ABHD12: variants seen among roughly 807,000 people sequenced by gnomAD.
ABHD12 encodes the protein abhydrolase domain containing 12, lysophospholipase, also known as lysophosphatidylserine lipase ABHD12.
Under a neutral mutation model 58.3 loss-of-function variants are expected in ABHD12, and 43 were observed. The observed-to-expected ratio is 0.74, with a 90% CI of 0.58 to 0.95. The LOEUF (loss-of-function observed/expected upper bound fraction) is 0.95, where lower values mean the gene tolerates loss of function less well. ABHD12 is among the 40% of genes least tolerant of loss of function. ABHD12 has a pLI of 0.00. For synonymous variants in ABHD12, 219 were observed against 211.2 expected (o/e 1.04, Z -0.32); for missense variants, 539 against 537.2 (o/e 1.00, Z -0.03).
intron 1 of ABHD12, among the ~76,000 whole-genome samples, chr20:25,372,989 T>C (rs538769446): frequency 1.3e-5 from 2 of 152,274 alleles, no homozygotes; most frequent in Non-Finnish European, 2.9e-5. Flanking sequence ...TATGTGTAGA[T>C]ACACAAATAC....
At chr20:25,301,016 C>T (rs547437645) in intron 12 of ABHD12, 132 bp from the exon 13 acceptor site, 17 of 924,088 alleles carry the variant, frequency 1.8e-5, no homozygotes, top group Admixed American at 9.9e-5. Context: ...CATGAGGATG[C>T]GCTGTAGCCC....
At chr20:25,359,534 A>G (rs34005053) in intron 1 of ABHD12, among the ~76,000 whole-genome samples, 4,673 of 152,062 alleles carry the variant, frequency 0.031, 177 homozygotes, top group East Asian at 0.23. Flanking sequence ...AAAATATCTC[A>G]TATTATCTTC....
At chr20:25,298,780 C>A (rs1363064236), downstream of ABHD12, among the ~76,000 whole-genome samples, 2 of 152,204 alleles carry the variant, frequency 1.3e-5, no homozygotes, top group East Asian at 3.9e-4. Context: ...GGGCTCTGTG[C>A]TACCCTGAAG....
intron 1 of ABHD12, among the ~76,000 whole-genome samples, chr20:25,359,619 G>A (rs987320699): frequency 6.6e-6 from 1 of 151,926 alleles, no homozygotes; most frequent in African/African-American, 2.4e-5. Context: ...GCCCAGACTG[G>A]AGTGCAGTGG....
At chr20:25,375,753 GGCT>G (rs1188654305) in intron 1 of ABHD12, among the ~76,000 whole-genome samples, 7 of 151,744 alleles carry the variant, frequency 4.6e-5, no homozygotes, top group Admixed American at 2.6e-4. Context: ...TTTTTGTTGT[GGCT>G]GCTATTTGGG....
At chr20:25,315,591 G>A (rs557781983) in intron 5 of ABHD12, among the ~76,000 whole-genome samples, 1 of 151,982 alleles carries the variant, frequency 6.6e-6, no homozygotes, top group East Asian at 1.9e-4. Flanking sequence ...TCTTTGGGGG[G>A]GTTGTTGGGT....
At chr20:25,343,734 G>A (rs2089484386) in intron 1 of ABHD12, among the ~76,000 whole-genome samples, 1 of 152,192 alleles carries the variant, frequency 6.6e-6, no homozygotes, top group African/African-American at 2.4e-5. Flanking sequence ...GGCGGAGGTT[G>A]CAGTGAGCTG....
At position 25,338,757 on chromosome 20, in the gene ABHD12, A is replaced by T. The variant is rs1334234836; in HGVS notation, c.316+470T>A. The T allele has an allele frequency of 7.2e-6, 7 of 972,740 alleles. No homozygotes were observed. The East Asian group carries it at 3.4e-4, about 47-fold the overall frequency. 60.3% of individuals were successfully genotyped at this position (972,740 alleles called of 1,614,324 possible). ...AAGAAAAAAGGCCTCATTTTTTTTTAAAGGTACTATATTTTTCAGTGGTCA... is the reference window on the plus strand; with the variant it reads ...AAGAAAAAAGGCCTCATTTTTTTTTTAAGGTACTATATTTTTCAGTGGTCA... On this transcript the variant is annotated intron_variant, in intron 2 of 12. Coordinates refer to ENST00000339157, the MANE Select transcript of ABHD12 (RefSeq NM_001042472.3).
At chr20:25,386,556 G>A (rs2090093859) in intron 1 of ABHD12, among the ~76,000 whole-genome samples, 1 of 151,766 alleles carries the variant, frequency 6.6e-6, no homozygotes. Context: ...CACCGAGCCC[G>A]GCCTCATGAT....
intron 1 of ABHD12, among the ~76,000 whole-genome samples, chr20:25,341,569 G>A (rs1158423975): frequency 2.0e-5 from 3 of 152,064 alleles, no homozygotes; most frequent in African/African-American, 7.2e-5. Flanking sequence ...TGCTTGGTGG[G>A]GATGATAATG....
chr20:25,323,334 A>G lies in ABHD12; in HGVS notation c.413T>C (p.Ile138Thr), dbSNP rs971910677. The G allele has an allele frequency of 2.0e-5, 32 of 1,612,990 alleles. No homozygotes were observed. Among genetic ancestry groups the G allele is most frequent in the East Asian group, 2.2e-5 (1 of 44,878 alleles). ...YYLQPEEDVT[I>T]GVWHTVPAVW... ...GCTCACTGGCACTCACCAGACTCCA[A>G]TGGTCACGTCTTCCTCTGGCTGCAG... The change falls in exon 3 of 13, where the codon ATT (isoleucine) becomes ACT (threonine). Residue 138 changes from isoleucine (I) to threonine (T), a missense_variant. Coordinates refer to ENST00000339157, the MANE Select transcript of ABHD12 (RefSeq NM_001042472.3).
intron 5 of ABHD12, among the ~76,000 whole-genome samples, 174 bp from the exon 6 acceptor site, chr20:25,315,144 T>A (rs999945925): frequency 1.3e-5 from 2 of 152,194 alleles, no homozygotes; most frequent in Non-Finnish European, 2.9e-5. Flanking sequence ...GAAACCAAGA[T>A]GCCAACTGCC....
chr20:25,338,123 T>C (rs1444444573), intron 2 of ABHD12, among the ~76,000 whole-genome samples: 1 of 152,102 alleles, frequency 6.6e-6, no homozygotes, highest in Non-Finnish European at 1.5e-5. Flanking sequence ...TTAAGTCTAT[T>C]ATAGACTGAA....
At chr20:25,339,017 T>C in intron 2 of ABHD12, 2 of 1,342,298 alleles carry the variant, frequency 1.5e-6, no homozygotes, top group South Asian at 1.5e-5. Context: ...TTTTGGGTAA[T>C]AAAAGCATTC....
chr20:25,346,844 CTA>C (rs2089525877), intron 1 of ABHD12, among the ~76,000 whole-genome samples: 1 of 152,140 alleles, frequency 6.6e-6, no homozygotes, highest in Non-Finnish European at 1.5e-5. Flanking sequence ...ACAAGTTTCA[CTA>C]TGTTAGCCAG....
intron 3 of ABHD12, among the ~76,000 whole-genome samples, chr20:25,322,631 C>G (rs1600796938): frequency 6.6e-6 from 1 of 151,380 alleles, no homozygotes; most frequent in African/African-American, 2.4e-5. Context: ...GTGATCCACC[C>G]GTCTCGGCCT....
intron 1 of ABHD12, among the ~76,000 whole-genome samples, chr20:25,344,799 C>A (rs1304541092): frequency 6.6e-6 from 1 of 152,118 alleles, no homozygotes; most frequent in Non-Finnish European, 1.5e-5. Context: ...GGTGTACTGT[C>A]AAAAATACCA....
chr20:25,340,318 AT>A lies in ABHD12; in HGVS notation c.192-968del, dbSNP rs200464409. On this transcript the variant is annotated intron_variant, in intron 1 of 12. Coordinates refer to ENST00000339157, the MANE Select transcript of ABHD12 (RefSeq NM_001042472.3). The stretch of plus-strand genomic sequence containing the variant: ...AAAAATTTTAGTGAGAAGAAAAAAA[AT>A]TTTAGTGAGGAGTGACATTAACATT... 5.2e-3 allele frequency among the ~76,000 whole-genome samples: 788 copies of A among 152,366 alleles called. 2 individuals are homozygous for A. Among genetic ancestry groups the A allele is most frequent in the Middle Eastern group, 0.017 (5 of 294 alleles).
At chr20:25,348,166 C>T (rs557584008) in intron 1 of ABHD12, among the ~76,000 whole-genome samples, 18 of 150,930 alleles carry the variant, frequency 1.2e-4, no homozygotes, top group South Asian at 8.4e-4. Flanking sequence ...GCCGAGATGG[C>T]GCCACTGCAC....
Sources: allele counts gnomAD v4.1 joint callset (sites outside exome capture counted in the v4.1 genomes callset), GRCh38; gene constraint gnomAD v4.1.1; transcripts MANE v1.5; gene names NCBI Gene and HGNC (gene_info 2026-07-23, HGNC 2026-07-21).